The following KATNIP variants were observed in gnomAD, a reference collection of about 807,000 sequenced individuals.
KATNIP encodes katanin interacting protein.
Under a neutral mutation model 174.0 loss-of-function variants are expected in KATNIP, and 126 were observed. The observed-to-expected ratio is 0.72, with a 90% CI of 0.63 to 0.84. KATNIP has a LOEUF of 0.84. Ranked by LOEUF, KATNIP falls within the 40% of genes least tolerant of loss-of-function variation. The pLI is 0.00. For synonymous variants in KATNIP, 810 were observed against 835.7 expected (o/e 0.97, Z 0.53); for missense variants, 1,958 against 2,109.7 (o/e 0.93, Z 1.41).
intron 21 of KATNIP, 43 bp from the exon 22 acceptor site, chr16:27,771,545 G>A (rs1230472157): frequency 6.3e-7 from 1 of 1,592,792 alleles, no homozygotes; most frequent in East Asian, 2.3e-5. Flanking sequence ...GTGATTCTGG[G>A]CCGTCGTGAG....
At chr16:27,666,202 G>GT (rs2077676889) in intron 6 of KATNIP, among the ~76,000 whole-genome samples, 1 of 152,038 alleles carries the variant, frequency 6.6e-6, no homozygotes, top group Non-Finnish European at 1.5e-5. Flanking sequence ...GATTGTTTTG[G>GT]TTTTTCTCCA....
In KATNIP at chr16:27,612,602, T is replaced by TA. The variant is rs1198254906; in HGVS notation, c.64-5822dup. ...GGTGAAACCCCGTCTCTAGTAAAAATACAAAGATTATCCAGGCAAGGTGGT... is the reference window on the plus strand; with the variant it reads ...GGTGAAACCCCGTCTCTAGTAAAAATAACAAAGATTATCCAGGCAAGGTGGT... On this transcript the variant is annotated intron_variant, in intron 2 of 27. Transcript: ENST00000261588. Among the ~76,000 whole-genome samples, 6 of 151,580 alleles carry TA rather than the reference T, an allele frequency of 4.0e-5. No individual in the cohort carries two copies. The South Asian group carries it at 6.3e-4, about 16-fold the overall frequency.
chr16:27,747,999 A>G (rs2081356271), intron 15 of KATNIP, among the ~76,000 whole-genome samples: 1 of 152,168 alleles, frequency 6.6e-6, no homozygotes, highest in African/African-American at 2.4e-5. Context: ...ACAGGCAGGA[A>G]ATGGAGTACA....
chr16:27,607,235 A>G (rs1299502564), intron 2 of KATNIP, among the ~76,000 whole-genome samples: 1 of 152,134 alleles, frequency 6.6e-6, no homozygotes, highest in Non-Finnish European at 1.5e-5. Flanking sequence ...AAGGTGTTAT[A>G]CCCAGAACAG....
intron 4 of KATNIP, 58 bp from the exon 5 acceptor site, chr16:27,631,007 G>A: frequency 7.3e-7 from 1 of 1,376,458 alleles, no homozygotes; most frequent in Non-Finnish European, 1.0e-6. Flanking sequence ...AACCAACCCA[G>A]TACTGTGAGC....
chr16:27,635,356 C>A (rs1488817476), intron 5 of KATNIP, among the ~76,000 whole-genome samples: 1 of 152,084 alleles, frequency 6.6e-6, no homozygotes, highest in African/African-American at 2.4e-5. Flanking sequence ...CTGGCCTCTA[C>A]CCCACAGAAA....
At chr16:27,730,809 G>A (rs2080647385) in intron 14 of KATNIP, among the ~76,000 whole-genome samples, 5 of 152,264 alleles carry the variant, frequency 3.3e-5, no homozygotes, top group South Asian at 2.1e-4. Flanking sequence ...AGGCACCCCC[G>A]GCCAAGTCTG....
chr16:27,703,932 C>CGAAAGTG lies in KATNIP; in HGVS notation c.1324_1330dup (p.Asp444GlyfsTer3), dbSNP rs1567321950. The CGAAAGTG allele has an allele frequency of 6.2e-7, 1 of 1,614,196 alleles. No individual in the cohort carries two copies. The highest frequency in any genetic ancestry group is 1.1e-5 in the South Asian group (1 of 91,082). On this transcript the variant is annotated frameshift_variant, in exon 12 of 28. Transcript: ENST00000261588. LOFTEE classifies it high-confidence loss of function. ...AGCTTCTGAAAGTCCTCCAGGCCGT[C>CGAAAGTG]GAAAGTGACTCTGCCCATCTCGGCA...
intron 13 of KATNIP, 196 bp downstream of exon 13, chr16:27,709,116 C>T (rs1028942395): frequency 1.9e-6 from 1 of 517,166 alleles, no homozygotes; most frequent in Non-Finnish European, 3.4e-6. Context: ...GTCAGGAGTT[C>T]AAGACCAGCC....
In KATNIP at chr16:27,630,817, C is replaced by T. The variant is rs115536565; in HGVS notation, c.311-248C>T. Among the ~76,000 whole-genome samples, 1,112 of 152,274 alleles carry T rather than the reference C, an allele frequency of 7.3e-3. 22 individuals are homozygous for T. The highest frequency in any genetic ancestry group is 0.025 in the African/African-American group (1,051 of 41,562). On this transcript the variant is annotated intron_variant, in intron 4 of 27. Coordinates refer to ENST00000261588, the MANE Select transcript of KATNIP (RefSeq NM_015202.5). ...TATATACAGACCTGCCTGATCCGGC[C>T]ATATATTATACATATTATTCCATGG...
At chr16:27,759,044 G>A (rs909447013) in intron 18 of KATNIP, among the ~76,000 whole-genome samples, 1 of 152,170 alleles carries the variant, frequency 6.6e-6, no homozygotes. Context: ...GTTTTCGTTT[G>A]TCTCATTTAC....
chr16:27,687,279 C>G (rs760300248), intron 8 of KATNIP: 1 of 152,044 alleles, frequency 6.6e-6, no homozygotes, highest in African/African-American at 2.4e-5. Context: ...TGTTCATTCT[C>G]CATGCCTTCA....
chr16:27,565,759 G>C (rs529862996), intron 1 of KATNIP, among the ~76,000 whole-genome samples: 2 of 151,094 alleles, frequency 1.3e-5, no homozygotes, highest in South Asian at 2.1e-4. Context: ...ACTCTAGCCG[G>C]GACAGCAGAG....
At chr16:27,752,401 C>G (rs1225100880) in intron 17 of KATNIP, among the ~76,000 whole-genome samples, 1 of 152,212 alleles carries the variant, frequency 6.6e-6, no homozygotes, top group Non-Finnish European at 1.5e-5. Flanking sequence ...TGACAACCCT[C>G]TGAGTAGAGA....
intron 2 of KATNIP, among the ~76,000 whole-genome samples, chr16:27,601,398 G>A (rs2075519563): frequency 6.6e-6 from 1 of 152,124 alleles, no homozygotes; most frequent in Non-Finnish European, 1.5e-5. Flanking sequence ...TGCTAAACAA[G>A]CTTACCCTAG....
At chr16:27,597,092 C>G (rs997744201) in intron 2 of KATNIP, among the ~76,000 whole-genome samples, 5 of 152,152 alleles carry the variant, frequency 3.3e-5, no homozygotes, top group Non-Finnish European at 5.9e-5. Flanking sequence ...ACTCAGGAGG[C>G]TGAGGCAGGA....
chr16:27,576,271 C>A (rs1334105208), intron 2 of KATNIP, among the ~76,000 whole-genome samples: 1 of 152,170 alleles, frequency 6.6e-6, no homozygotes, highest in Non-Finnish European at 1.5e-5. Context: ...GAGAGCATTT[C>A]AGATCATTTC....
intron 2 of KATNIP, 120 bp from the exon 3 acceptor site, chr16:27,618,305 G>C: frequency 1.4e-6 from 1 of 729,552 alleles, no homozygotes. Context: ...TGGGGTGTTG[G>C]GCCTTCGTCA....
At chr16:27,633,032 G>A (rs941867994) in intron 5 of KATNIP, among the ~76,000 whole-genome samples, 2 of 152,124 alleles carry the variant, frequency 1.3e-5, no homozygotes, top group African/African-American at 4.8e-5. Context: ...TTACAGGCAT[G>A]AGCCACCGCG....
Sources: gnomAD v4.1 joint callset for allele counts (sites outside exome capture counted in the v4.1 genomes callset) on GRCh38, gnomAD v4.1.1 for gene constraint, MANE v1.5 for transcripts, NCBI Gene and HGNC (gene_info 2026-07-23, HGNC 2026-07-21) for gene names.